EML6: variants seen among roughly 807,000 people sequenced by gnomAD.
EML6 encodes echinoderm microtubule-associated protein-like 6.
EML6 carries 154 observed loss-of-function variants against 240.1 expected under a neutral mutation model. That is an observed-to-expected ratio of 0.64 (90% CI 0.56 to 0.73). The LOEUF (loss-of-function observed/expected upper bound fraction) is 0.73, where lower values mean the gene tolerates loss of function less well. Ranked by LOEUF, EML6 falls within the 30% of genes least tolerant of loss-of-function variation. EML6 has a pLI of 0.00. For synonymous variants in EML6, 1,148 were observed against 899.0 expected (o/e 1.28, Z -4.95); for missense variants, 2,964 against 2,474.6 (o/e 1.20, Z -4.20).
chr2:54,736,282 T>C (rs1206651612), intron 2 of EML6, among the ~76,000 whole-genome samples: 4 of 152,218 alleles, frequency 2.6e-5, no homozygotes, highest in Non-Finnish European at 5.9e-5. Flanking sequence ...TTGTTTTTAT[T>C]AACCTTTTCT....
intron 26 of EML6, among the ~76,000 whole-genome samples, chr2:54,917,554 G>A (rs560117701): frequency 6.6e-6 from 1 of 151,790 alleles, no homozygotes; most frequent in Non-Finnish European, 1.5e-5. Flanking sequence ...GTAGAGAGAG[G>A]GTTTCACCAT....
intron 29 of EML6, among the ~76,000 whole-genome samples, chr2:54,949,835 A>T (rs573436227): frequency 1.3e-5 from 2 of 152,296 alleles, no homozygotes; most frequent in South Asian, 4.1e-4. Flanking sequence ...GCTGCCTGGG[A>T]CTTTCAAGCC....
chr2:54,859,550 G>T lies in EML6; in HGVS notation c.1674G>T (p.Lys558Asn). 6.5e-7 allele frequency: 1 copy of T among 1,549,906 alleles called. No individual in the cohort carries two copies. Among genetic ancestry groups the T allele is most frequent in the Non-Finnish European group, 8.7e-7 (1 of 1,146,536 alleles). Residue 558 changes from lysine to asparagine, a missense_variant, in exon 12 of 42, where the codon AAG becomes AAT. Physicochemically the swap from Lys to Asn is moderately conservative, Grantham distance 94. Transcript: ENST00000356458. ...TTCTTTCAGGAGCCAAATTTAGAAA[G>T]TATGTGGGCCATTCTGCACATGTCA... ...PCLKRGAKFRKYVGHSAHVTN... is the reference protein window; with the variant it reads ...PCLKRGAKFRNYVGHSAHVTN...
rs1010030573 is a variant in EML6, at chr2:54,938,256, G to A, written c.4004+9505G>A. 3.9e-5 allele frequency among the ~76,000 whole-genome samples: 6 copies of A among 152,132 alleles called. No individual in the cohort carries two copies. The East Asian group carries it at 1.2e-3, about 29-fold the overall frequency. ...AGCTACTCGGGAGGCTGAGGGAGGA[G>A]AATTACTTGAATCACTCCAGCCTGG... is the stretch of plus-strand genomic sequence containing the variant. On this transcript the variant is annotated intron_variant, in intron 28 of 41. Coordinates refer to ENST00000356458, the MANE Select transcript of EML6 (RefSeq NM_001039753.4).
At position 54,834,511 on chromosome 2, in the gene EML6, A is replaced by C. The variant is rs112561698; in HGVS notation, c.847+5034A>C. On this transcript the variant is annotated intron_variant, in intron 7 of 41. Transcript: ENST00000356458. ...TTATTTACTTATTTGTCCACTCAGT[A>C]AACATTTATTAAACATCCAAGTGCC... Among the ~76,000 whole-genome samples, 353 of 152,356 alleles carry C rather than the reference A, an allele frequency of 2.3e-3. 3 individuals carry two copies. Among genetic ancestry groups the C allele is most frequent in the African/African-American group, 7.9e-3 (330 of 41,586 alleles).
intron 2 of EML6, among the ~76,000 whole-genome samples, chr2:54,751,754 G>A (rs929918824): frequency 6.6e-6 from 1 of 152,186 alleles, no homozygotes; most frequent in South Asian, 2.1e-4. Context: ...GACCGTGCAA[G>A]GTTTGTTATG....
At chr2:54,870,470 C>G (rs1335474180) in intron 15 of EML6, among the ~76,000 whole-genome samples, 1 of 152,120 alleles carries the variant, frequency 6.6e-6, no homozygotes. Context: ...GGTTACAGTC[C>G]TCCAAAGGGT....
intron 17 of EML6, among the ~76,000 whole-genome samples, chr2:54,888,623 G>C (rs532636012): frequency 6.6e-5 from 10 of 152,108 alleles, no homozygotes; most frequent in Non-Finnish European, 1.3e-4. Flanking sequence ...ATAGTATGTA[G>C]TCTTTTCTGA....
At chr2:54,831,387 G>T (rs746206581) in intron 7 of EML6, among the ~76,000 whole-genome samples, 9 of 152,216 alleles carry the variant, frequency 5.9e-5, no homozygotes, top group Non-Finnish European at 1.2e-4. Context: ...GAGTCCTTGA[G>T]CCTGGCTCTC....
chr2:54,844,333 G>A (rs571514863), intron 8 of EML6, 85 bp downstream of exon 8: 4 of 1,061,640 alleles, frequency 3.8e-6, no homozygotes, highest in South Asian at 1.4e-5. Flanking sequence ...AGGATAAAGT[G>A]CAGAACAGAA....
intron 3 of EML6, among the ~76,000 whole-genome samples, chr2:54,814,772 C>T (rs891547941): frequency 2.0e-5 from 3 of 152,170 alleles, no homozygotes; most frequent in Non-Finnish European, 2.9e-5. Context: ...AAGAGAGCAT[C>T]GATCACTAGT....
At chr2:54,824,668 C>T (rs887420959) in intron 5 of EML6, among the ~76,000 whole-genome samples, 2 of 152,110 alleles carry the variant, frequency 1.3e-5, no homozygotes, top group Non-Finnish European at 2.9e-5. Context: ...AAAACAGTAA[C>T]AGTTGAGCAT....
intron 15 of EML6, among the ~76,000 whole-genome samples, chr2:54,870,876 A>G (rs1671221585): frequency 1.3e-5 from 2 of 152,178 alleles, no homozygotes; most frequent in Non-Finnish European, 2.9e-5. Context: ...TTTTCCTTTT[A>G]AAGTCATCAC....
intron 2 of EML6, among the ~76,000 whole-genome samples, chr2:54,801,248 G>C (rs1351890746): frequency 6.6e-6 from 1 of 150,982 alleles, no homozygotes; most frequent in East Asian, 1.9e-4. Context: ...CCGGGAGGTG[G>C]AGCTTGCAGT....
At chr2:54,877,247 G>A (rs967177067) in intron 16 of EML6, among the ~76,000 whole-genome samples, 2 of 152,094 alleles carry the variant, frequency 1.3e-5, no homozygotes, top group Non-Finnish European at 2.9e-5. Flanking sequence ...GCCTCCCAAA[G>A]TGTTGGGATT....
chr2:54,831,044 T>C (rs916725510), intron 7 of EML6, among the ~76,000 whole-genome samples: 2 of 152,138 alleles, frequency 1.3e-5, no homozygotes, highest in African/African-American at 2.4e-5. Context: ...CAAACAGATA[T>C]AAGCTTGCAA....
At chr2:54,907,172 C>T (rs4671992) in intron 24 of EML6, among the ~76,000 whole-genome samples, 78,432 of 152,054 alleles carry the variant, frequency 0.52, 20,563 homozygotes, top group East Asian at 0.81. Flanking sequence ...CTAAATGCTA[C>T]AAGTTCATTT....
At chr2:54,896,444 CAG>C (rs911258888) in intron 21 of EML6, among the ~76,000 whole-genome samples, 27 of 152,224 alleles carry the variant, frequency 1.8e-4, no homozygotes, top group African/African-American at 6.0e-4. Flanking sequence ...ATAAATGTAA[CAG>C]AACCTTTTAG....
intron 8 of EML6, among the ~76,000 whole-genome samples, chr2:54,845,545 C>T (rs1459245844): frequency 2.0e-5 from 3 of 152,072 alleles, no homozygotes; most frequent in Non-Finnish European, 2.9e-5. Context: ...TTTAGGAAGG[C>T]TAAAAGTCAT....
Sources: gnomAD v4.1 joint callset for allele counts (sites outside exome capture counted in the v4.1 genomes callset) on GRCh38, gnomAD v4.1.1 for gene constraint, MANE v1.5 for transcripts, NCBI Gene and HGNC (gene_info 2026-07-23, HGNC 2026-07-21) for gene names.